NCKAP5: variants seen among roughly 807,000 people sequenced by gnomAD.
The protein encoded by NCKAP5 is NCK associated protein 5, also known as nck-associated protein 5.
A neutral mutation model predicts 167.0 loss-of-function variants in NCKAP5; 92 were observed. The ratio of observed to expected loss-of-function variants is 0.55; its 90% confidence interval spans 0.47 to 0.66. The LOEUF is 0.66. Ranked by LOEUF, NCKAP5 falls within the 30% of genes least tolerant of loss-of-function variation. The pLI is 0.00. For synonymous variants in NCKAP5, 891 were observed against 877.4 expected (o/e 1.02, Z -0.27); for missense variants, 2,378 against 2,315.0 (o/e 1.03, Z -0.56).
intron 2 of NCKAP5, among the ~76,000 whole-genome samples, chr2:133,538,677 T>C (rs1465536541): frequency 1.3e-5 from 2 of 152,096 alleles, no homozygotes; most frequent in Non-Finnish European, 2.9e-5. Flanking sequence ...CCAAAAGCTT[T>C]CCATAAATGT....
At chr2:133,522,634 G>C (rs1482790934) in intron 2 of NCKAP5, among the ~76,000 whole-genome samples, 3 of 152,160 alleles carry the variant, frequency 2.0e-5, no homozygotes, top group Non-Finnish European at 4.4e-5. Context: ...GTTCACAGCT[G>C]TCTTTGTGAA....
At chr2:132,851,896 G>C (rs967272781) in intron 11 of NCKAP5, among the ~76,000 whole-genome samples, 2 of 152,116 alleles carry the variant, frequency 1.3e-5, no homozygotes, top group Admixed American at 6.5e-5. Flanking sequence ...TTTCATTTCT[G>C]GAAACACTAG....
intron 4 of NCKAP5, among the ~76,000 whole-genome samples, chr2:133,231,275 G>A (rs1485669536): frequency 6.6e-6 from 1 of 152,152 alleles, no homozygotes; most frequent in Admixed American, 6.5e-5. Flanking sequence ...CCTCTTTCCA[G>A]GGATGACTGT....
At chr2:133,082,974 C>T (rs141165962) in intron 6 of NCKAP5, among the ~76,000 whole-genome samples, 187 of 152,150 alleles carry the variant, frequency 1.2e-3, no homozygotes, top group African/African-American at 4.3e-3. Flanking sequence ...TCCCCAGAAA[C>T]GAAGAAAGGC....
chr2:133,515,754 G>T (rs886734280), intron 3 of NCKAP5, among the ~76,000 whole-genome samples: 1 of 152,088 alleles, frequency 6.6e-6, no homozygotes, highest in African/African-American at 2.4e-5. Flanking sequence ...CCCTTTTTCC[G>T]ATCTGCAAGT....
chr2:133,539,254 T>G (rs577867758), intron 2 of NCKAP5, among the ~76,000 whole-genome samples: 4 of 152,036 alleles, frequency 2.6e-5, no homozygotes, highest in African/African-American at 9.6e-5. Context: ...AGTTTTATAT[T>G]ATAGAATAGA....
intron 19 of NCKAP5, among the ~76,000 whole-genome samples, chr2:132,692,203 C>T (rs570030793): frequency 2.1e-4 from 32 of 151,320 alleles, no homozygotes; most frequent in African/African-American, 5.1e-4. Flanking sequence ...AGTGCAGTGG[C>T]GCAATCTTGG....
At chr2:132,940,376 C>T (rs755651640) in intron 8 of NCKAP5, among the ~76,000 whole-genome samples, 1 of 152,124 alleles carries the variant, frequency 6.6e-6, no homozygotes, top group Non-Finnish European at 1.5e-5. Context: ...GAACACTGGG[C>T]CCTAGCTGTG....
chr2:132,733,960 C>G (rs1691269699), intron 16 of NCKAP5, among the ~76,000 whole-genome samples: 4 of 152,136 alleles, frequency 2.6e-5, no homozygotes. Context: ...CTCTTTTCTC[C>G]ACTATGGTGT....
chr2:132,976,067 C>T (rs1254856815), intron 7 of NCKAP5, among the ~76,000 whole-genome samples: 2 of 152,118 alleles, frequency 1.3e-5, no homozygotes, highest in African/African-American at 4.8e-5. Flanking sequence ...AAATTTTCTA[C>T]CCATTTTGTC....
intron 11 of NCKAP5, among the ~76,000 whole-genome samples, chr2:132,841,905 T>A (rs1368085087): frequency 6.6e-6 from 1 of 152,148 alleles, no homozygotes; most frequent in Admixed American, 6.5e-5. Context: ...TTTATTCTAT[T>A]TGTTAATATT....
chr2:133,045,884 A>G (rs1449591568), intron 6 of NCKAP5, among the ~76,000 whole-genome samples: 2 of 152,148 alleles, frequency 1.3e-5, no homozygotes, highest in South Asian at 2.1e-4. Context: ...GTTGTGATGT[A>G]GTGTTAGGCC....
chr2:133,355,366 C>G (rs1684639472), intron 3 of NCKAP5, among the ~76,000 whole-genome samples: 2 of 152,090 alleles, frequency 1.3e-5, no homozygotes, highest in African/African-American at 4.8e-5. Context: ...TCTGCATATA[C>G]CTACTGACAA....
intron 6 of NCKAP5, among the ~76,000 whole-genome samples, chr2:133,025,050 A>G (rs544719942): frequency 1.5e-4 from 23 of 152,384 alleles, no homozygotes; most frequent in Non-Finnish European, 2.8e-4. Context: ...TGATAATACC[A>G]GATGAATTAG....
intron 8 of NCKAP5, among the ~76,000 whole-genome samples, chr2:132,960,552 G>C (rs1206098298): frequency 1.3e-5 from 2 of 152,120 alleles, no homozygotes; most frequent in East Asian, 3.9e-4. Context: ...CAAGTAAAGG[G>C]GGCTCTGTTT....
chr2:133,038,950 C>A (rs2079123064), intron 6 of NCKAP5, among the ~76,000 whole-genome samples: 2 of 152,048 alleles, frequency 1.3e-5, no homozygotes, highest in Non-Finnish European at 2.9e-5. Flanking sequence ...GCAAAAATGT[C>A]CAAAAACATT....
intron 6 of NCKAP5, among the ~76,000 whole-genome samples, chr2:133,039,115 G>C (rs1197656965): frequency 6.6e-6 from 1 of 152,150 alleles, no homozygotes; most frequent in African/African-American, 2.4e-5. Context: ...TCCAGCATAG[G>C]AGTCCTACCC....
rs771074749 is a variant in NCKAP5, at chr2:133,245,896, GAA to G, written c.144-32119_144-32118del. 8.0e-3 allele frequency among the ~76,000 whole-genome samples: 484 copies of G among 60,160 alleles called. 2 individuals carry two copies. The highest frequency in any genetic ancestry group is 0.033 in the African/African-American group (388 of 11,838). The allele number at this position is 60,160 out of a possible 152,430, so 39.5% of individuals were successfully genotyped here. On this transcript the variant is annotated intron_variant, in intron 4 of 19. Coordinates refer to ENST00000409261, the MANE Select transcript of NCKAP5 (RefSeq NM_207363.3). ...AAAAGGATTTTTTTGATTTGATCAG[GAA>G]AAAAAAAAAAAAAAAAATGGAGGTG...
rs1239712439 is a variant in NCKAP5, at chr2:132,785,211, G to T, written c.1600C>A (p.Pro534Thr). 3.8e-6 allele frequency: 6 copies of T among 1,572,876 alleles called. No individual in the cohort carries two copies. Among genetic ancestry groups the T allele is most frequent in the Admixed American group, 3.7e-5 (2 of 53,344 alleles). ...GTSSVYPKER[P>T]EKLTSCASSC... The stretch of plus-strand genomic sequence containing the variant: ...CTGGCGCAACTTGTCAGCTTTTCAG[G>T]CCTTTCCTTGGGATAAACTGAGGAT... The change falls in exon 14 of 20, where the codon CCT (proline) becomes ACT (threonine). Residue 534 changes from proline (P) to threonine (T), a missense_variant. Transcript: ENST00000409261.
Sources: allele counts gnomAD v4.1 joint callset (sites outside exome capture counted in the v4.1 genomes callset), GRCh38; gene constraint gnomAD v4.1.1; transcripts MANE v1.5; gene names NCBI Gene and HGNC (gene_info 2026-07-23, HGNC 2026-07-21).